CSE1L: variants seen among roughly 807,000 people sequenced by gnomAD.
CSE1L encodes the protein chromosome segregation 1 like, also known as exportin-2.
In CSE1L, 24 loss-of-function variants were observed where a neutral mutation model predicts 120.4. That is an observed-to-expected ratio of 0.20 (90% confidence interval 0.14 to 0.28). The LOEUF (loss-of-function observed/expected upper bound fraction) is 0.28, where lower values mean the gene tolerates loss of function less well. CSE1L is among the 10% of genes least tolerant of loss of function. The probability of loss-of-function intolerance (pLI) is 1.00; values close to 1 mark genes in which losing one functional copy is unlikely to be tolerated. For synonymous variants in CSE1L, 402 were observed against 398.3 expected (o/e 1.01, Z -0.11); for missense variants, 830 against 1,145.2 (o/e 0.72, Z 3.97).
At chr20:49,085,215 G>C in intron 15 of CSE1L, 68 bp from the exon 16 acceptor site, 1 of 1,149,978 alleles carries the variant, frequency 8.7e-7, no homozygotes. Context: ...CATAGTGGTT[G>C]CCAAGGGTAA....
intron 21 of CSE1L, 57 bp from the exon 22 acceptor site, chr20:49,091,982 CTTATCAG>C (rs2092105249): frequency 1.2e-6 from 1 of 857,496 alleles, no homozygotes; most frequent in Non-Finnish European, 1.9e-6. Context: ...ATTTTGCAGA[CTTATCAG>C]TTACCAGTTT....
At chr20:49,092,399 C>G (rs2092108493) in intron 22 of CSE1L, among the ~76,000 whole-genome samples, 1 of 151,704 alleles carries the variant, frequency 6.6e-6, no homozygotes, top group South Asian at 2.1e-4. Context: ...TAGTGAGACT[C>G]CATCTCAAAA....
chr20:49,048,057 C>A (rs2091734704), intron 1 of CSE1L, among the ~76,000 whole-genome samples: 1 of 151,920 alleles, frequency 6.6e-6, no homozygotes. Context: ...AGAAGGGGAC[C>A]CTTTAGTCTT....
chr20:49,060,355 G>C (rs943000808), intron 2 of CSE1L, among the ~76,000 whole-genome samples: 1 of 151,814 alleles, frequency 6.6e-6, no homozygotes, highest in Non-Finnish European at 1.5e-5. Flanking sequence ...GGTGGTGCAC[G>C]GCTGTAGTCC....
Position 49,089,400 on chromosome 20 carries a change from A to G in CSE1L, c.1972+3A>G. ...AATCTTACAAAATGATGTGCAAGGTAAGTTAACGGAAATTATTTTCTTTGT... is the reference window on the plus strand; with the variant it reads ...AATCTTACAAAATGATGTGCAAGGTGAGTTAACGGAAATTATTTTCTTTGT... On this transcript the variant is annotated splice_donor_region_variant and intron_variant, in intron 18 of 24. Coordinates refer to ENST00000262982, the MANE Select transcript of CSE1L (RefSeq NM_001316.4). 6.2e-7 allele frequency: 1 copy of G among 1,606,380 alleles called. No individual in the cohort carries two copies. The highest frequency in any genetic ancestry group is 8.5e-7 in the Non-Finnish European group (1 of 1,178,038).
intron 3 of CSE1L, among the ~76,000 whole-genome samples, chr20:49,063,738 G>A (rs567948924): frequency 6.6e-6 from 1 of 152,316 alleles, no homozygotes; most frequent in South Asian, 2.1e-4. Context: ...ACCGCCTACT[G>A]AAGAGACATT....
At position 49,057,187 on chromosome 20, in the gene CSE1L, C is replaced by T. The variant is rs148851455; in HGVS notation, c.-11-1266C>T. 1.8e-4 allele frequency among the ~76,000 whole-genome samples: 27 copies of T among 152,094 alleles called. 1 individual carries two copies. In the East Asian group the frequency reaches 5.2e-3, roughly 29 times the overall value. On this transcript the variant is annotated intron_variant, in intron 1 of 24. Transcript: ENST00000262982. ...CAAAATTTTTTTTTTAATTTGTCAT[C>T]TGTTAGATGTGAAGTTTTTTGGTCA...
At chr20:49,094,435 C>A in intron 23 of CSE1L, 149 bp downstream of exon 23, 1 of 817,598 alleles carries the variant, frequency 1.2e-6, no homozygotes, top group Non-Finnish European at 2.0e-6. Flanking sequence ...ATTTCTGGAT[C>A]CTTCTGGGCT....
At chr20:49,073,652 G>A (rs2426113) in intron 10 of CSE1L, among the ~76,000 whole-genome samples, 92,604 of 151,796 alleles carry the variant, frequency 0.61, 28,339 homozygotes, top group East Asian at 0.66. Context: ...TGCTCAGCTA[G>A]TTTTTTATTT....
At chr20:49,096,098 C>T (rs1297440914) in intron 24 of CSE1L, 2 of 647,166 alleles carry the variant, frequency 3.1e-6, no homozygotes, top group Non-Finnish European at 2.8e-6. Context: ...ACATCATTAA[C>T]CAGTAAGGAC....
chr20:49,063,126 T>TTTA, intron 2 of CSE1L, 76 bp from the exon 3 acceptor site: 1 of 725,222 alleles, frequency 1.4e-6, no homozygotes, highest in Non-Finnish European at 1.9e-6. Flanking sequence ...TGATTTTTTT[T>TTTA]TATATATATA....
At chr20:49,066,809 A>C (rs1348021868) in intron 5 of CSE1L, among the ~76,000 whole-genome samples, 1 of 152,074 alleles carries the variant, frequency 6.6e-6, no homozygotes, top group Non-Finnish European at 1.5e-5. Context: ...TGGGCGGATC[A>C]CCTGAGGTCA....
chr20:49,072,561 G>T lies in CSE1L; in HGVS notation c.937-7G>T. ...AAAAATATTCTTGTTTTTGTGTTTTGTTCCAGTTGGTAAGTAATGCAATTC... is the reference window on the plus strand; with the variant it reads ...AAAAATATTCTTGTTTTTGTGTTTTTTTCCAGTTGGTAAGTAATGCAATTC... On this transcript the variant is annotated splice_polypyrimidine_tract_variant and splice_region_variant and intron_variant, in intron 9 of 24. Transcript: ENST00000262982. 1 of 1,606,954 alleles carries T rather than the reference G, an allele frequency of 6.2e-7. No individual in the cohort carries two copies. The highest frequency in any genetic ancestry group is 8.5e-7 in the Non-Finnish European group (1 of 1,177,028).
Position 49,084,177 on chromosome 20 carries a change from C to A in CSE1L, c.1619+15C>A. The A allele has an allele frequency of 6.2e-7, 1 of 1,612,986 alleles. No homozygotes were observed. The highest frequency in any genetic ancestry group is 8.5e-7 in the Non-Finnish European group (1 of 1,179,358). On this transcript the variant is annotated intron_variant, in intron 15 of 24. Transcript: ENST00000262982. ...AATGCCACTCTGTGAGTATTTTATT[C>A]TAAAGTTTTTTAGCCTGGGGTAGGG...
chr20:49,064,903 C>T (rs1291835215), intron 3 of CSE1L, among the ~76,000 whole-genome samples: 2 of 150,790 alleles, frequency 1.3e-5, no homozygotes, highest in African/African-American at 4.9e-5. Context: ...ACCTGTAATC[C>T]CAGCACTTTA....
At chr20:49,080,266 T>A (rs1006367978) in intron 14 of CSE1L, among the ~76,000 whole-genome samples, 2 of 150,562 alleles carry the variant, frequency 1.3e-5, no homozygotes, top group Admixed American at 6.6e-5. Context: ...TTTTTATTTT[T>A]TTTGTTTTTT....
rs11471947 is a variant in CSE1L at position 49,085,562 on chromosome 20, A to ATTTTTTTTTTTTTTTTTT, written c.1723+186_1723+203dup. On this transcript the variant is annotated intron_variant, in intron 16 of 24. Transcript: ENST00000262982. ...ATTATCTTGTTTACTACTAACAATA[A>ATTTTTTTTTTTTTTTTTT]TTTTTTTTTTTTTTTTTTTTTTTTT... Among the ~76,000 whole-genome samples the ATTTTTTTTTTTTTTTTTT allele has an allele frequency of 1.0e-4, 8 of 80,248 alleles. 2 individuals are homozygous for ATTTTTTTTTTTTTTTTTT. Among genetic ancestry groups the ATTTTTTTTTTTTTTTTTT allele is most frequent in the South Asian group, 4.6e-4 (1 of 2,154 alleles). The allele number at this position is 80,248 out of a possible 152,430, so 52.6% of individuals were successfully genotyped here. A position where few individuals can be genotyped will look rare whatever the true frequency, so the allele number is the denominator to read the frequency against.
At chr20:49,064,771 T>C (rs1158636275) in intron 3 of CSE1L, among the ~76,000 whole-genome samples, 2 of 151,508 alleles carry the variant, frequency 1.3e-5, no homozygotes, top group African/African-American at 4.9e-5. Flanking sequence ...GCCCTCTCCC[T>C]CTATTTTGAT....
At chr20:49,073,518 CTG>C (rs1370410189) in intron 10 of CSE1L, among the ~76,000 whole-genome samples, 5 of 152,062 alleles carry the variant, frequency 3.3e-5, no homozygotes, top group Non-Finnish European at 5.9e-5. Flanking sequence ...CAGGGTCTCA[CTG>C]TGTCACCCAG....
Sources: gnomAD v4.1 joint callset for allele counts (sites outside exome capture counted in the v4.1 genomes callset) on GRCh38, gnomAD v4.1.1 for gene constraint, MANE v1.5 for transcripts, NCBI Gene and HGNC (gene_info 2026-07-23, HGNC 2026-07-21) for gene names.